The following NRXN3 variants were observed in gnomAD, a reference collection of about 807,000 sequenced individuals.
NRXN3 encodes neurexin III.
Under a neutral mutation model 137.6 loss-of-function variants are expected in NRXN3, and 32 were observed. The observed-to-expected ratio is 0.23, with a 90% CI of 0.18 to 0.31. The LOEUF is 0.31. NRXN3 is among the 10% of genes least tolerant of loss of function. The probability of loss-of-function intolerance (pLI) is 1.00; values close to 1 mark genes in which losing one functional copy is unlikely to be tolerated. For synonymous variants in NRXN3, 798 were observed against 784.5 expected (o/e 1.02, Z -0.29); for missense variants, 1,574 against 2,062.5 (o/e 0.76, Z 4.59).
At chr14:78,981,986 T>C (rs2099490614) in intron 14 of NRXN3, among the ~76,000 whole-genome samples, 1 of 152,148 alleles carries the variant, frequency 6.6e-6, no homozygotes, top group Non-Finnish European at 1.5e-5. Context: ...CTCTCATTCA[T>C]TCAATAGTTA....
At chr14:79,650,997 T>C (rs2098473126) in intron 16 of NRXN3, among the ~76,000 whole-genome samples, 1 of 152,214 alleles carries the variant, frequency 6.6e-6, no homozygotes, top group Admixed American at 6.5e-5. Flanking sequence ...ACTGAGTTTC[T>C]CTGAAAGCTT....
At chr14:79,561,157 G>A (rs977170945) in intron 16 of NRXN3, among the ~76,000 whole-genome samples, 1 of 152,174 alleles carries the variant, frequency 6.6e-6, no homozygotes, top group Non-Finnish European at 1.5e-5. Flanking sequence ...GAAAGAAGCA[G>A]GTTGGCCTGG....
At chr14:78,249,730 A>G (rs1466709976) in intron 2 of NRXN3, among the ~76,000 whole-genome samples, 1 of 152,122 alleles carries the variant, frequency 6.6e-6, no homozygotes, top group Non-Finnish European at 1.5e-5. Context: ...GGTGCTTTTT[A>G]TATTCATTGG....
chr14:78,968,095 T>C (rs559384321), intron 13 of NRXN3, 78 bp from the exon 14 acceptor site: 2 of 352,640 alleles, frequency 5.7e-6, no homozygotes, highest in African/African-American at 4.9e-5. Flanking sequence ...TGATGAATTA[T>C]CTCAAGTGTA....
rs375280224 is a variant in NRXN3 at position 79,037,228 on chromosome 14, T to C, written c.3262+49087T>C. Among the ~76,000 whole-genome samples, 18 of 152,160 alleles carry C rather than the reference T, an allele frequency of 1.2e-4. No homozygotes were observed. In the South Asian group the frequency reaches 2.1e-3, roughly 18 times the overall value. ...CCCTTTGAGCCTGACAAATCTCCTG[T>C]TGAATGCCTTGCTTTCAACCAAAGC... On this transcript the variant is annotated intron_variant, in intron 15 of 20. Coordinates refer to ENST00000335750, the MANE Select transcript of NRXN3 (RefSeq NM_001330195.2).
intron 15 of NRXN3, among the ~76,000 whole-genome samples, chr14:79,448,491 A>C (rs2096106281): frequency 6.6e-6 from 1 of 152,222 alleles, no homozygotes; most frequent in African/African-American, 2.4e-5. Context: ...TACCCAGAAA[A>C]GGGTCTAGCA....
chr14:78,940,356 A>G (rs1257490615), intron 10 of NRXN3, among the ~76,000 whole-genome samples: 5 of 152,206 alleles, frequency 3.3e-5, no homozygotes, highest in Non-Finnish European at 7.3e-5. Context: ...GTATATATGC[A>G]CACACACACT....
chr14:78,248,471 C>G (rs1223123661), intron 2 of NRXN3, among the ~76,000 whole-genome samples: 1 of 151,738 alleles, frequency 6.6e-6, no homozygotes, highest in Non-Finnish European at 1.5e-5. Context: ...CCCCATCTCT[C>G]AAAGCCAAGA....
chr14:78,291,580 G>C (rs142149564), intron 3 of NRXN3, among the ~76,000 whole-genome samples: 20 of 151,960 alleles, frequency 1.3e-4, no homozygotes, highest in African/African-American at 4.6e-4. Context: ...CAAATTCCTG[G>C]TCACCCTACA....
At chr14:79,303,757 A>G (rs1456392661) in intron 15 of NRXN3, among the ~76,000 whole-genome samples, 1 of 152,054 alleles carries the variant, frequency 6.6e-6, no homozygotes, top group Non-Finnish European at 1.5e-5. Context: ...TAAGTAAAGA[A>G]GTGGGCAGCA....
intron 16 of NRXN3, among the ~76,000 whole-genome samples, chr14:79,639,831 G>A (rs1042564520): frequency 6.6e-6 from 1 of 152,152 alleles, no homozygotes; most frequent in African/African-American, 2.4e-5. Flanking sequence ...ACCTTGAATA[G>A]AGGCTGCTAA....
chr14:78,434,920 G>A (rs1426243115), intron 4 of NRXN3, among the ~76,000 whole-genome samples: 5 of 152,202 alleles, frequency 3.3e-5, no homozygotes, highest in African/African-American at 1.2e-4. Flanking sequence ...AAATCCAAGA[G>A]ACCTGAGCTT....
Position 79,474,273 on chromosome 14 carries a change from G to A in NRXN3, c.3444+6871G>A, listed in dbSNP as rs948624991. 2.6e-5 allele frequency among the ~76,000 whole-genome samples: 4 copies of A among 152,234 alleles called. No homozygotes were observed. The South Asian group carries it at 8.3e-4, about 32-fold the overall frequency. On this transcript the variant is annotated intron_variant, in intron 16 of 20. Coordinates refer to ENST00000335750, the MANE Select transcript of NRXN3 (RefSeq NM_001330195.2). ...AAGATCAAGTGAAATAAAATATTTA[G>A]AAGCTGTTCATTATCAGCAAAACAC...
intron 16 of NRXN3, among the ~76,000 whole-genome samples, chr14:79,542,875 T>A (rs935192640): frequency 1.5e-5 from 2 of 133,106 alleles, no homozygotes; most frequent in African/African-American, 5.0e-5. Context: ...AGTGAGTGAC[T>A]TTTTTGGTGT....
intron 20 of NRXN3, among the ~76,000 whole-genome samples, chr14:79,809,488 C>T (rs2099223853): frequency 6.6e-6 from 1 of 152,108 alleles, no homozygotes; most frequent in Non-Finnish European, 1.5e-5. Context: ...TTTCCTATCC[C>T]TACCTTTTTC....
chr14:78,442,282 G>GAAAAAA (rs34451142), intron 4 of NRXN3, among the ~76,000 whole-genome samples: 3 of 142,884 alleles, frequency 2.1e-5, no homozygotes, highest in African/African-American at 7.8e-5. Context: ...AGAAAAAAAG[G>GAAAAAA]AAAAAAAAAA....
At chr14:78,748,603 C>T (rs2098625180) in intron 8 of NRXN3, among the ~76,000 whole-genome samples, 3 of 152,108 alleles carry the variant, frequency 2.0e-5, no homozygotes, top group Admixed American at 2.0e-4. Context: ...AAACAGAAGA[C>T]ACACAGTAAA....
intron 4 of NRXN3, among the ~76,000 whole-genome samples, chr14:78,341,381 A>G (rs897927369): frequency 6.6e-6 from 1 of 152,198 alleles, no homozygotes; most frequent in African/African-American, 2.4e-5. Context: ...ATGGAATACA[A>G]TATGAGTAAC....
At chr14:79,442,792 C>A (rs991695856) in intron 15 of NRXN3, among the ~76,000 whole-genome samples, 1 of 152,200 alleles carries the variant, frequency 6.6e-6, no homozygotes, top group African/African-American at 2.4e-5. Context: ...TATGGACTTA[C>A]CTTTTTTGCT....
Sources: gnomAD v4.1 joint callset for allele counts (sites outside exome capture counted in the v4.1 genomes callset) on GRCh38, gnomAD v4.1.1 for gene constraint, MANE v1.5 for transcripts, NCBI Gene and HGNC (gene_info 2026-07-23, HGNC 2026-07-21) for gene names.